Variants in UCHL5 observed in about 807,000 individuals in gnomAD.
The protein encoded by UCHL5 is ubiquitin C-terminal hydrolase L5, also known as ubiquitin carboxyl-terminal hydrolase isozyme L5.
In UCHL5, 34 loss-of-function variants were observed where a neutral mutation model predicts 53.8. The ratio of observed to expected loss-of-function variants is 0.63; its 90% CI spans 0.48 to 0.84. The LOEUF (loss-of-function observed/expected upper bound fraction) is 0.84. Among genes scored for constraint, UCHL5 ranks in the 40% least tolerant of loss-of-function variants. The pLI, the probability that UCHL5 is intolerant of heterozygous loss-of-function variation, is 0.00. For missense variants in UCHL5, 290 were observed against 385.6 expected (o/e 0.75, Z 2.08); for synonymous variants, 111 against 126.3 (o/e 0.88, Z 0.81).
intron 8 of UCHL5, among the ~76,000 whole-genome samples, chr1:193,023,552 G>C (rs891144058): frequency 4.6e-5 from 7 of 152,090 alleles, no homozygotes; most frequent in Non-Finnish European, 8.8e-5. Context: ...CCATTTGTTA[G>C]TCATTAAGTG....
At chr1:193,039,301 T>A (rs1189941525) in intron 3 of UCHL5, among the ~76,000 whole-genome samples, 2 of 152,164 alleles carry the variant, frequency 1.3e-5, no homozygotes, top group African/African-American at 4.8e-5. Flanking sequence ...TCCCAGCTAC[T>A]CAGGAGGCTG....
At chr1:193,020,612 C>G (rs1656628942) in intron 10 of UCHL5, among the ~76,000 whole-genome samples, 1 of 151,826 alleles carries the variant, frequency 6.6e-6, no homozygotes, top group Non-Finnish European at 1.5e-5. Flanking sequence ...TCATAGAAAT[C>G]AGAATTCTTC....
At chr1:193,045,406 C>T (rs1473675671) in intron 3 of UCHL5, among the ~76,000 whole-genome samples, 1 of 152,162 alleles carries the variant, frequency 6.6e-6, no homozygotes, top group East Asian at 1.9e-4. Flanking sequence ...ATGGCTTAGG[C>T]CATCCCCTTG....
At chr1:193,043,498 A>G (rs752514869) in intron 3 of UCHL5, among the ~76,000 whole-genome samples, 5 of 152,202 alleles carry the variant, frequency 3.3e-5, no homozygotes, top group Non-Finnish European at 7.3e-5. Context: ...TGACTATAGT[A>G]AAGAAATTAA....
intron 2 of UCHL5, among the ~76,000 whole-genome samples, chr1:193,050,608 T>G (rs981531209): frequency 1.3e-5 from 2 of 151,940 alleles, no homozygotes; most frequent in Non-Finnish European, 2.9e-5. Context: ...TAGCCAGGCA[T>G]GGTGAAGCGT....
intron 1 of UCHL5, among the ~76,000 whole-genome samples, chr1:193,052,043 C>T (rs973045086): frequency 6.6e-6 from 1 of 152,072 alleles, no homozygotes; most frequent in African/African-American, 2.4e-5. Context: ...CATTGAATTA[C>T]CACTCTATGA....
chr1:193,049,945 A>C lies in UCHL5; in HGVS notation c.141-94T>G, dbSNP rs1668491319. The C allele has an allele frequency of 4.8e-6, 5 of 1,050,570 alleles. No individual in the cohort carries two copies. The East Asian group carries it at 1.4e-4, about 29-fold the overall frequency. The allele number at this position is 1,050,570 out of a possible 1,614,324, so 65.1% of individuals were successfully genotyped here. ...AATTTTAGTCAGTTATCTAACAAAT[A>C]TAATACAAATGAAGTAAATATGGGA... On this transcript the variant is annotated intron_variant, in intron 2 of 10. Coordinates refer to ENST00000367454, the MANE Select transcript of UCHL5 (RefSeq NM_001199261.3).
intron 3 of UCHL5, among the ~76,000 whole-genome samples, chr1:193,046,022 G>A (rs1301770435): frequency 6.7e-6 from 1 of 150,288 alleles, no homozygotes; most frequent in Non-Finnish European, 1.5e-5. Context: ...TTATACAAAT[G>A]GACTATTTGG....
At chr1:193,044,204 A>G (rs1000277354) in intron 3 of UCHL5, among the ~76,000 whole-genome samples, 3 of 152,214 alleles carry the variant, frequency 2.0e-5, no homozygotes, top group Non-Finnish European at 4.4e-5. Flanking sequence ...CATTTAATTG[A>G]TTAATATCAA....
At position 193,018,900 on chromosome 1, in the gene UCHL5, T is replaced by G; in HGVS notation, c.942+2197A>C. ...TATAGGTAATTTTTCTTAGAAGTATTACCATTAAGTAATTAACTATCACTG... is the reference window on the plus strand; with the variant it reads ...TATAGGTAATTTTTCTTAGAAGTATGACCATTAAGTAATTAACTATCACTG... On this transcript the variant is annotated intron_variant, in intron 10 of 10. Transcript: ENST00000367454. 3.5e-6 allele frequency: 4 copies of G among 1,134,312 alleles called. No individual in the cohort carries two copies. The South Asian group carries it at 7.1e-5, about 20-fold the overall frequency. 70.3% of individuals were successfully genotyped at this position (1,134,312 alleles called of 1,614,324 possible). A position where few individuals can be genotyped will look rare whatever the true frequency, so the allele number is the denominator to read the frequency against.
At chr1:193,034,945 TG>T (rs1662820410) in intron 3 of UCHL5, among the ~76,000 whole-genome samples, 1 of 151,950 alleles carries the variant, frequency 6.6e-6, no homozygotes, top group Non-Finnish European at 1.5e-5. Flanking sequence ...ATAAAAAAGC[TG>T]GAGTAAACAT....
intron 10 of UCHL5, among the ~76,000 whole-genome samples, chr1:193,019,079 A>C (rs1230883085): frequency 6.6e-6 from 1 of 151,592 alleles, no homozygotes; most frequent in Non-Finnish European, 1.5e-5. Context: ...TATTCTTGCA[A>C]AGGAAACGGA....
intron 3 of UCHL5, among the ~76,000 whole-genome samples, chr1:193,032,741 G>C (rs1219995987): frequency 9.2e-5 from 14 of 152,186 alleles, no homozygotes; most frequent in Admixed American, 9.2e-4. Flanking sequence ...CTTTTCAAAA[G>C]AAGACATTTA....
At chr1:193,049,130 C>T (rs1668240690) in intron 3 of UCHL5, among the ~76,000 whole-genome samples, 1 of 152,156 alleles carries the variant, frequency 6.6e-6, no homozygotes, top group South Asian at 2.1e-4. Flanking sequence ...TTCCTGGGCT[C>T]AGCCAGGCAC....
intron 3 of UCHL5, among the ~76,000 whole-genome samples, chr1:193,045,803 TATA>T (rs774137140): frequency 2.0e-5 from 3 of 152,234 alleles, no homozygotes; most frequent in African/African-American, 4.8e-5. Flanking sequence ...GCATCCACTT[TATA>T]ATGTTTAAAT....
Position 193,013,887 on chromosome 1 carries a change from A to G in UCHL5, c.*2464T>C, listed in dbSNP as rs1654509262. The G allele has an allele frequency of 6.6e-6, 1 of 152,156 alleles. No individual in the cohort carries two copies. Among genetic ancestry groups the G allele is most frequent in the African/African-American group, 2.4e-5 (1 of 41,436 alleles). 9.4% of individuals were successfully genotyped at this position (152,156 alleles called of 1,614,324 possible). A position where few individuals can be genotyped will look rare whatever the true frequency, so the allele number is the denominator to read the frequency against. ...CAGTCGAGCTGACTGCTGTTCGGAA[A>G]AGGGCAAGCTATCTTGGGAACTAAA... On this transcript the variant is annotated 3_prime_UTR_variant, in exon 11 of 11. Coordinates refer to ENST00000367454, the MANE Select transcript of UCHL5 (RefSeq NM_001199261.3).
Position 193,015,130 on chromosome 1 carries a change from C to T in UCHL5, c.*1221G>A, listed in dbSNP as rs1274478716. On this transcript the variant is annotated 3_prime_UTR_variant, in exon 11 of 11. Coordinates refer to ENST00000367454, the MANE Select transcript of UCHL5 (RefSeq NM_001199261.3). ...ATTCGTTTTTCTATCAATTTCCTAT[C>T]AGGTTTTTCTCCATTAGTTCTAAGT... 6.6e-6 allele frequency: 1 copy of T among 151,990 alleles called. No homozygotes were observed. Among genetic ancestry groups the T allele is most frequent in the Non-Finnish European group, 1.5e-5 (1 of 67,932 alleles). The allele number at this position is 151,990 out of a possible 1,614,324, so 9.4% of individuals were successfully genotyped here. A position where few individuals can be genotyped will look rare whatever the true frequency, so the allele number is the denominator to read the frequency against.
intron 10 of UCHL5, among the ~76,000 whole-genome samples, chr1:193,019,590 AAC>A (rs974881273): frequency 6.6e-6 from 1 of 151,712 alleles, no homozygotes; most frequent in African/African-American, 2.4e-5. Context: ...AATGAAGGCA[AAC>A]ACAACAGAGT....
chr1:193,016,237 C>A lies in UCHL5; in HGVS notation c.*114G>T. 1 of 1,195,126 alleles carries A rather than the reference C, an allele frequency of 8.4e-7. No homozygotes were observed. The highest frequency in any genetic ancestry group is 1.2e-6 in the Non-Finnish European group (1 of 841,202). 74.0% of individuals were successfully genotyped at this position (1,195,126 alleles called of 1,614,324 possible). A position where few individuals can be genotyped will look rare whatever the true frequency, so the allele number is the denominator to read the frequency against. On this transcript the variant is annotated 3_prime_UTR_variant, in exon 11 of 11. Coordinates refer to ENST00000367454, the MANE Select transcript of UCHL5 (RefSeq NM_001199261.3). ...GCATTAAAGACAAGACAGGCTGGCACTATTGCCAAACGTGCACTGAGCCAA... is the reference window on the plus strand; with the variant it reads ...GCATTAAAGACAAGACAGGCTGGCAATATTGCCAAACGTGCACTGAGCCAA...
Sources: allele counts gnomAD v4.1 joint callset (sites outside exome capture counted in the v4.1 genomes callset), GRCh38; gene constraint gnomAD v4.1.1; transcripts MANE v1.5; gene names NCBI Gene and HGNC (gene_info 2026-07-23, HGNC 2026-07-21).